ARHGAP6: variants seen among roughly 807,000 people sequenced by gnomAD.
ARHGAP6 encodes the protein Rho GTPase activating protein 6, also known as rho GTPase-activating protein 6.
A neutral mutation model predicts 55.7 loss-of-function variants in ARHGAP6; 16 were observed. The ratio of observed to expected loss-of-function variants is 0.29; its 90% CI spans 0.19 to 0.44. ARHGAP6 has a LOEUF of 0.44. Among genes scored for constraint, ARHGAP6 ranks in the 20% least tolerant of loss-of-function variants. The pLI is 1.00. For synonymous variants in ARHGAP6, 382 were observed against 360.9 expected (o/e 1.06, Z -0.66); for missense variants, 698 against 808.9 (o/e 0.86, Z 1.66).
intron 1 of ARHGAP6, among the ~76,000 whole-genome samples, chrX:11,613,900 G>A (rs1402102391): frequency 2.7e-5 from 3 of 112,131 alleles, no homozygotes; most frequent in African/African-American, 9.7e-5. Flanking sequence ...AAACAAGGTT[G>A]TACTTTACTT....
chrX:11,474,362 C>A (rs1275618346), intron 1 of ARHGAP6, among the ~76,000 whole-genome samples: 1 of 111,919 alleles, frequency 8.9e-6, no homozygotes, highest in Non-Finnish European at 1.9e-5. Flanking sequence ...TTTACATCCA[C>A]CTCCATATCC....
chrX:11,398,882 G>C (rs1003065047), intron 1 of ARHGAP6, among the ~76,000 whole-genome samples: 1 of 111,746 alleles, frequency 8.9e-6, no homozygotes, highest in Non-Finnish European at 1.9e-5. Context: ...TGAATCCAGA[G>C]GAATTACATT....
chrX:11,186,569 T>A, intron 4 of ARHGAP6, 138 bp from the exon 5 acceptor site: 1 of 401,460 alleles, frequency 2.5e-6, no homozygotes, highest in Admixed American at 4.5e-5. Flanking sequence ...TCTTTAATTG[T>A]TCTGTTTGTA....
chrX:11,646,780 T>G lies in ARHGAP6; in HGVS notation c.588+17461A>C, dbSNP rs2052532366. On this transcript the variant is annotated intron_variant, in intron 1 of 12. Transcript: ENST00000337414. ...ACATAAGCCAAACAAACAAAATTGTTGAGAAAACTCATTTCTTCCATTTGA... is the reference window on the plus strand; with the variant it reads ...ACATAAGCCAAACAAACAAAATTGTGGAGAAAACTCATTTCTTCCATTTGA... Among the ~76,000 whole-genome samples the G allele has an allele frequency of 2.7e-5, 3 of 112,321 alleles. No homozygotes were observed. The Admixed American group carries it at 2.8e-4, about 11-fold the overall frequency.
At chrX:11,472,678 T>C (rs1375894834) in intron 1 of ARHGAP6, among the ~76,000 whole-genome samples, 4 of 111,725 alleles carry the variant, frequency 3.6e-5, no homozygotes, top group Non-Finnish European at 7.5e-5. Flanking sequence ...TGAGGTAGCC[T>C]GAATAGAAGG....
intron 1 of ARHGAP6, among the ~76,000 whole-genome samples, chrX:11,523,771 G>T (rs184133036): frequency 1.4e-3 from 158 of 111,141 alleles, no homozygotes; most frequent in Non-Finnish European, 2.7e-3. Context: ...AACAAAAGTA[G>T]AACCAGCAAG....
chrX:11,360,762 T>C (rs1440582408), intron 1 of ARHGAP6, among the ~76,000 whole-genome samples: 6 of 111,259 alleles, frequency 5.4e-5, no homozygotes, highest in Admixed American at 9.5e-5. Context: ...AAAACCCCAT[T>C]GTCTCAGCCC....
chrX:11,165,680 G>A (rs2046008181), intron 9 of ARHGAP6, among the ~76,000 whole-genome samples: 1 of 111,848 alleles, frequency 8.9e-6, no homozygotes, highest in Non-Finnish European at 1.9e-5. Flanking sequence ...AAGTGGCTGA[G>A]CAGGGATTTG....
chrX:11,316,250 G>A (rs2048358325), intron 1 of ARHGAP6, among the ~76,000 whole-genome samples: 1 of 111,960 alleles, frequency 8.9e-6, no homozygotes, highest in South Asian at 3.8e-4. Flanking sequence ...CCTGGTTGAA[G>A]GTAATTTCTC....
intron 1 of ARHGAP6, among the ~76,000 whole-genome samples, chrX:11,623,571 C>A (rs1291264947): frequency 9.3e-6 from 1 of 108,071 alleles, no homozygotes; most frequent in African/African-American, 3.4e-5. Context: ...GCGGCGGGCA[C>A]CTGTAGTCCC....
At chrX:11,332,870 G>C (rs1043112217) in intron 1 of ARHGAP6, among the ~76,000 whole-genome samples, 1 of 111,937 alleles carries the variant, frequency 8.9e-6, no homozygotes, top group African/African-American at 3.3e-5. Context: ...AACCACAATA[G>C]TCAGGGCACA....
intron 1 of ARHGAP6, among the ~76,000 whole-genome samples, chrX:11,589,885 C>T (rs953338730): frequency 8.9e-6 from 1 of 111,990 alleles, no homozygotes; most frequent in Non-Finnish European, 1.9e-5. Context: ...TGAAGCTCAG[C>T]GATGAGACAA....
At chrX:11,151,917 C>G (rs2045785522) in intron 10 of ARHGAP6, among the ~76,000 whole-genome samples, 1 of 111,744 alleles carries the variant, frequency 8.9e-6, no homozygotes, top group Admixed American at 9.5e-5. Flanking sequence ...CTTTTAGACA[C>G]AATGCTATAA....
rs764020886 is a variant in ARHGAP6 at position 11,578,679 on chromosome X, G to A, written c.588+85562C>T. On this transcript the variant is annotated intron_variant, in intron 1 of 12. Coordinates refer to ENST00000337414, the MANE Select transcript of ARHGAP6 (RefSeq NM_013427.3). ...ATTTAACCCAGTGATCCCATTACTG[G>A]GTATATACCCAAAGGATTATGAATC... Among the ~76,000 whole-genome samples, 103 of 111,351 alleles carry A rather than the reference G, an allele frequency of 9.3e-4. No homozygotes were observed. The Middle Eastern group carries it at 0.014, about 15-fold the overall frequency.
At chrX:11,341,574 C>T (rs1237824087) in intron 1 of ARHGAP6, among the ~76,000 whole-genome samples, 3 of 111,902 alleles carry the variant, frequency 2.7e-5, no homozygotes, top group Admixed American at 1.9e-4. Flanking sequence ...ATAATAGTGC[C>T]TCCCACATGT....
At chrX:11,328,158 C>T (rs961227900) in intron 1 of ARHGAP6, among the ~76,000 whole-genome samples, 1 of 112,214 alleles carries the variant, frequency 8.9e-6, no homozygotes, top group Non-Finnish European at 1.9e-5. Flanking sequence ...TTTCTCATTT[C>T]ATCGTGAAGG....
At chrX:11,424,499 C>A (rs2049858523) in intron 1 of ARHGAP6, among the ~76,000 whole-genome samples, 2 of 111,992 alleles carry the variant, frequency 1.8e-5, no homozygotes, top group Non-Finnish European at 3.8e-5. Context: ...TACTCTATCA[C>A]CTCTTTATCC....
intron 1 of ARHGAP6, among the ~76,000 whole-genome samples, chrX:11,620,867 T>C (rs2052220210): frequency 8.9e-6 from 1 of 111,936 alleles, no homozygotes; most frequent in Admixed American, 9.5e-5. Context: ...CAAAGAATCA[T>C]CCGGTCCAAA....
intron 1 of ARHGAP6, among the ~76,000 whole-genome samples, chrX:11,600,506 G>C (rs2051956381): frequency 8.9e-6 from 1 of 112,350 alleles, no homozygotes; most frequent in Non-Finnish European, 1.9e-5. Flanking sequence ...CTGCCTGCCG[G>C]GAACACCTGT....
Sources: gnomAD v4.1 joint callset for allele counts (sites outside exome capture counted in the v4.1 genomes callset) on GRCh38, gnomAD v4.1.1 for gene constraint, MANE v1.5 for transcripts, NCBI Gene and HGNC (gene_info 2026-07-23, HGNC 2026-07-21) for gene names.